SEPTIN12: variants seen among roughly 807,000 people sequenced by gnomAD.
The protein encoded by SEPTIN12 is septin 12.
SEPTIN12 carries 42 observed loss-of-function variants against 37.7 expected under a neutral mutation model. The observed-to-expected ratio is 1.11, with a 90% CI of 0.87 to 1.44. The LOEUF (loss-of-function observed/expected upper bound fraction) is 1.44, where lower values mean the gene tolerates loss of function less well. Ranked by LOEUF, SEPTIN12 falls within the 40% of genes most tolerant of loss-of-function variation. The pLI is 0.00. For synonymous variants in SEPTIN12, 254 were observed against 196.7 expected (o/e 1.29, Z -2.44); for missense variants, 613 against 479.2 (o/e 1.28, Z -2.61).
intron 4 of SEPTIN12, 75 bp from the exon 5 acceptor site, chr16:4,784,143 C>G (rs2082407204): frequency 1.9e-6 from 3 of 1,564,948 alleles, no homozygotes; most frequent in East Asian, 2.3e-5. Flanking sequence ...TCTGTGTCCT[C>G]TGGGCGGTCC....
At chr16:4,788,822 G>A (rs1362996423), upstream of SEPTIN12, 1 of 152,198 alleles carries the variant, frequency 6.6e-6, no homozygotes, top group African/African-American at 2.4e-5. Flanking sequence ...GTCAGGTGAG[G>A]AGGTGGCAGA....
At chr16:4,787,151 C>T (rs2082467668) in intron 2 of SEPTIN12, among the ~76,000 whole-genome samples, 1 of 152,152 alleles carries the variant, frequency 6.6e-6, no homozygotes, top group Non-Finnish European at 1.5e-5. Context: ...GCTGGAATTA[C>T]AGGCTTGAGC....
upstream of SEPTIN12, chr16:4,790,057 G>C (rs577676160): frequency 6.6e-6 from 1 of 152,008 alleles, no homozygotes; most frequent in South Asian, 2.1e-4. Context: ...TGGGACTTCA[G>C]GTACGTAGAC....
chr16:4,778,761 C>G (rs1012802415), intron 8 of SEPTIN12, among the ~76,000 whole-genome samples: 3 of 151,914 alleles, frequency 2.0e-5, no homozygotes, highest in Non-Finnish European at 4.4e-5. Context: ...GATCGCTCCA[C>G]TGCACTCCAG....
At chr16:4,790,744 G>A (rs1335823754), upstream of SEPTIN12, among the ~76,000 whole-genome samples, 1 of 152,188 alleles carries the variant, frequency 6.6e-6, no homozygotes, top group African/African-American at 2.4e-5. Context: ...AGCCGAGATC[G>A]TGCCATTGCA....
At chr16:4,779,827 G>T in intron 7 of SEPTIN12, 41 bp from the exon 8 acceptor site, 1 of 1,386,352 alleles carries the variant, frequency 7.2e-7, no homozygotes, top group Non-Finnish European at 1.0e-6. Flanking sequence ...GATTGACTTC[G>T]CTGGGGAGAA....
At chr16:4,788,386 G>A (rs1481064111), upstream of SEPTIN12, 2 of 152,760 alleles carry the variant, frequency 1.3e-5, no homozygotes, top group East Asian at 3.9e-4. Context: ...CGAAGAATCT[G>A]AGCTCCATCT....
intron 4 of SEPTIN12, chr16:4,785,594 T>G: frequency 1.9e-6 from 1 of 526,356 alleles, no homozygotes; most frequent in Non-Finnish European, 3.4e-6. Flanking sequence ...GCCAACATGG[T>G]GAAACCCCAT....
At position 4,785,827 on chromosome 16, in the gene SEPTIN12, G is replaced by C. The variant is rs1228499777; in HGVS notation, c.354C>G (p.Asp118Glu). The C allele has an allele frequency of 3.1e-6, 5 of 1,612,516 alleles. No individual in the cohort carries two copies. Among genetic ancestry groups the C allele is most frequent in the Non-Finnish European group, 4.2e-6 (5 of 1,179,104 alleles). Residue 118 changes from aspartate (D) to glutamate (E), a missense_variant, in exon 4 of 10, where the codon GAC becomes GAG. Physicochemically the swap from Asp to Glu is conservative, Grantham distance 45. Transcript: ENST00000268231. Reference protein sequence around the residue: ...LTVTDTPGFGDQINNDNCWDP... With the variant: ...LTVTDTPGFGEQINNDNCWDP... ...CCTACCAGTTGTCATTGTTGATCTG[G>C]TCCCCGAAGCCGGGCGTGTCCGTCA...
chr16:4,782,025 A>C (rs142590724), intron 7 of SEPTIN12, among the ~76,000 whole-genome samples: 3,791 of 137,156 alleles, frequency 0.028, 151 homozygotes, highest in African/African-American at 0.099. Context: ...ATCTCTGCTC[A>C]CTGCAACCTT....
rs933103389 is a variant in SEPTIN12 at position 4,779,741 on chromosome 16, C to T, written c.772G>A (p.Val258Met). Residue 258 changes from valine (V) to methionine (M), a missense_variant, in exon 8 of 10, where the codon GTG becomes ATG. By Grantham distance (21) the Val-to-Met change is conservative (BLOSUM62 1). Transcript: ENST00000268231. The part of the protein sequence containing the change: ...AVVGADQEHL[V>M]NGRCVLGRKT... ...CGGCCCAGGACACACCTCCCGTTCACCAGGTGCTCTTGGTCAGCCCCTACC... is the reference window on the plus strand; with the variant it reads ...CGGCCCAGGACACACCTCCCGTTCATCAGGTGCTCTTGGTCAGCCCCTACC... 3 of 1,613,826 alleles carry T rather than the reference C, an allele frequency of 1.9e-6. No individual in the cohort carries two copies. The highest frequency in any genetic ancestry group is 2.7e-5 in the African/African-American group (2 of 74,912).
At chr16:4,782,294 G>T (rs973147051) in intron 7 of SEPTIN12, among the ~76,000 whole-genome samples, 47 of 152,096 alleles carry the variant, frequency 3.1e-4, no homozygotes, top group African/African-American at 1.1e-3. Flanking sequence ...GCTTTTCATG[G>T]TTAAGGGATA....
upstream of SEPTIN12, among the ~76,000 whole-genome samples, chr16:4,789,230 A>C (rs568189262): frequency 3.3e-5 from 5 of 152,238 alleles, no homozygotes; most frequent in East Asian, 9.7e-4. Flanking sequence ...CAGGCTAGTC[A>C]CAAGCTTCTG....
chr16:4,781,409 CA>C (rs1386708216), intron 7 of SEPTIN12, among the ~76,000 whole-genome samples: 5 of 151,972 alleles, frequency 3.3e-5, no homozygotes, highest in South Asian at 4.1e-4. Flanking sequence ...CACGTCCCCC[CA>C]AAAAAACCCC....
intron 2 of SEPTIN12, 112 bp downstream of exon 2, chr16:4,787,368 A>C: frequency 2.1e-6 from 2 of 938,870 alleles, no homozygotes; most frequent in Non-Finnish European, 3.5e-6. Flanking sequence ...TGCTATTATC[A>C]GGCCCACCTA....
At chr16:4,784,678 G>T (rs559199144) in intron 4 of SEPTIN12, among the ~76,000 whole-genome samples, 36 of 152,104 alleles carry the variant, frequency 2.4e-4, no homozygotes, top group Admixed American at 2.0e-4. Flanking sequence ...GCTGAGGCAG[G>T]AGGGTCCTTG....
chr16:4,783,340 A>T, intron 7 of SEPTIN12, 122 bp downstream of exon 7: 1 of 794,588 alleles, frequency 1.3e-6, no homozygotes, highest in Non-Finnish European at 2.2e-6. Flanking sequence ...ATGAGTAGAG[A>T]ATCATATCTG....
At chr16:4,781,588 C>T (rs1377104008) in intron 7 of SEPTIN12, among the ~76,000 whole-genome samples, 1 of 151,630 alleles carries the variant, frequency 6.6e-6, no homozygotes, top group Non-Finnish European at 1.5e-5. Context: ...GTCTGAGAAA[C>T]ATGTTTACAA....
At chr16:4,787,846 G>A (rs1470260738) in intron 1 of SEPTIN12, 179 bp from the exon 2 acceptor site, 6 of 575,052 alleles carry the variant, frequency 1.0e-5, no homozygotes, top group South Asian at 8.2e-5. Flanking sequence ...CCTGTGGGGA[G>A]CTGTTTCTGC....
Sources: allele counts gnomAD v4.1 joint callset (sites outside exome capture counted in the v4.1 genomes callset), GRCh38; gene constraint gnomAD v4.1.1; transcripts MANE v1.5; gene names NCBI Gene and HGNC (gene_info 2026-07-23, HGNC 2026-07-21).